The following CISTR variants were observed in gnomAD, a reference collection of about 807,000 sequenced individuals.
The protein encoded by CISTR is chondrogenesis-associated transcript, also known as chondrogenic regulator lncRNA.
chr12:53,754,676 A>T (rs183660743), intron 1 of CISTR, among the ~76,000 whole-genome samples: 2 of 152,278 alleles, frequency 1.3e-5, no homozygotes, highest in Non-Finnish European at 2.9e-5. Context: ...CTCCTCTTTG[A>T]TATCATCCCA....
At chr12:53,754,847 T>C (rs1937898529) in intron 1 of CISTR, among the ~76,000 whole-genome samples, 1 of 152,208 alleles carries the variant, frequency 6.6e-6, no homozygotes, top group Admixed American at 6.5e-5. Flanking sequence ...ACTAAAAGGA[T>C]CTGTTTACAC....
intron 1 of CISTR, among the ~76,000 whole-genome samples, chr12:53,754,839 T>C (rs1235442752): frequency 6.6e-6 from 1 of 152,326 alleles, no homozygotes; most frequent in East Asian, 1.9e-4. Flanking sequence ...GTTTCAGCAC[T>C]AAAAGGATCT....
chr12:53,751,290 G>C lies in CISTR; in HGVS notation n.415-325C>G, dbSNP rs552430871. Among the ~76,000 whole-genome samples, 3 of 152,246 alleles carry C rather than the reference G, an allele frequency of 2.0e-5. No homozygotes were observed. The highest frequency in any genetic ancestry group is 6.5e-5 in the Admixed American group (1 of 15,298). On this transcript the variant is annotated intron_variant and non_coding_transcript_variant, in intron 1 of 2. Coordinates refer to ENST00000669269, the Ensembl canonical transcript of CISTR. The surrounding 1 kb of genome is among the most constrained non-coding windows in gnomAD (Gnocchi z 4.6). Reference sequence around the variant, plus strand: ...GCAGGGGTTGGGGGCGCTGGGGCTCGGGGCGCTCACTCGGACCTCGGAGCC... The same window carrying C: ...GCAGGGGTTGGGGGCGCTGGGGCTCCGGGCGCTCACTCGGACCTCGGAGCC...
At chr12:53,746,860 T>C (rs1937787935) in intron 2 of CISTR, among the ~76,000 whole-genome samples, 1 of 152,190 alleles carries the variant, frequency 6.6e-6, no homozygotes, top group Non-Finnish European at 1.5e-5. Flanking sequence ...TGGTGGAAAT[T>C]GCGTATATTA....
In CISTR at chr12:53,756,817, G is replaced by A. The variant is rs1184508899; in HGVS notation, n.411C>T. 2.6e-5 allele frequency: 4 copies of A among 152,230 alleles called. No homozygotes were observed. Among genetic ancestry groups the A allele is most frequent in the African/African-American group, 9.7e-5 (4 of 41,104 alleles). The allele number at this position is 152,230 out of a possible 1,614,324, so 9.4% of individuals were successfully genotyped here. A position where few individuals can be genotyped will look rare whatever the true frequency, so the allele number is the denominator to read the frequency against. On this transcript the variant is annotated non_coding_transcript_exon_variant, in exon 1 of 3. Transcript: ENST00000669269. This position sits in a 1 kb window ranked among gnomAD's most constrained non-coding sequence, Gnocchi z 4.0. The stretch of plus-strand genomic sequence containing the variant: ...AGCAGGGGATCTGGGGAGGTACCTG[G>A]ATAGCAGGGGACTCCGGGTCCTGAA...
intron 2 of CISTR, among the ~76,000 whole-genome samples, chr12:53,749,818 A>C (rs1479339259): frequency 6.6e-6 from 1 of 152,212 alleles, no homozygotes; most frequent in Non-Finnish European, 1.5e-5. Context: ...GTGAGGACCC[A>C]GCTGGGGAGC....
intron 2 of CISTR, among the ~76,000 whole-genome samples, chr12:53,748,298 C>T (rs1303364242): frequency 6.6e-6 from 1 of 152,200 alleles, no homozygotes; most frequent in Non-Finnish European, 1.5e-5. Context: ...TCCGCGCCAG[C>T]GCCCCCCCAA....
exon 3 of CISTR, among the ~76,000 whole-genome samples, chr12:53,746,694 C>T (rs1937784940): frequency 1.3e-5 from 2 of 152,160 alleles, no homozygotes; most frequent in Admixed American, 6.5e-5. Flanking sequence ...TAGGGCAGCC[C>T]AGCCTGGCCT....
At chr12:53,754,163 C>T (rs1262132008) in intron 1 of CISTR, among the ~76,000 whole-genome samples, 1 of 152,122 alleles carries the variant, frequency 6.6e-6, no homozygotes, top group Non-Finnish European at 1.5e-5. Context: ...TCCTGGCTAT[C>T]TCCTTTACTC....
At chr12:53,754,273 C>G (rs959360613) in intron 1 of CISTR, 2 of 152,184 alleles carry the variant, frequency 1.3e-5, no homozygotes, top group African/African-American at 4.8e-5. Flanking sequence ...TATTACTTCC[C>G]CATTTCACAG....
At chr12:53,747,908 C>G (rs1050376207) in intron 2 of CISTR, among the ~76,000 whole-genome samples, 2 of 152,122 alleles carry the variant, frequency 1.3e-5, no homozygotes, top group African/African-American at 4.8e-5. Context: ...CTCTCCCAAG[C>G]AGTTTGTGAC....
chr12:53,755,006 C>T (rs1937900030), intron 1 of CISTR, among the ~76,000 whole-genome samples: 2 of 152,112 alleles, frequency 1.3e-5, no homozygotes, highest in Admixed American at 1.3e-4. Flanking sequence ...AGGGTGCGTC[C>T]AAATAATGGA....
At position 53,753,089 on chromosome 12, in the gene CISTR, C is replaced by G. The variant is rs973426757; in HGVS notation, n.415-2124G>C. On this transcript the variant is annotated intron_variant and non_coding_transcript_variant, in intron 1 of 2. Transcript: ENST00000669269. ...ACACACACACACACACACACACACA[C>G]AGAGAGAGACACACGTGTCCTTTGA... is the stretch of plus-strand genomic sequence containing the variant. 9.4e-4 allele frequency among the ~76,000 whole-genome samples: 76 copies of G among 80,506 alleles called. 1 individual carries two copies. Among genetic ancestry groups the G allele is most frequent in the Admixed American group, 3.2e-3 (25 of 7,834 alleles). 52.8% of individuals were successfully genotyped at this position (80,506 alleles called of 152,430 possible). A position where few individuals can be genotyped will look rare whatever the true frequency, so the allele number is the denominator to read the frequency against.
chr12:53,747,303 G>T (rs1204699978), intron 2 of CISTR, among the ~76,000 whole-genome samples: 1 of 152,162 alleles, frequency 6.6e-6, no homozygotes, highest in East Asian at 1.9e-4. Context: ...TGGCATATTT[G>T]ACAGATGCTG....
In CISTR at chr12:53,751,220, C is replaced by T. The variant is rs1937846445; in HGVS notation, n.415-255G>A. ...TCTCCTGGCCTCCCTCCCGCCGCCCCTCCTCTGAGCCCTGCGGCCCGGCCT... is the reference window on the plus strand; with the variant it reads ...TCTCCTGGCCTCCCTCCCGCCGCCCTTCCTCTGAGCCCTGCGGCCCGGCCT... On this transcript the variant is annotated intron_variant and non_coding_transcript_variant, in intron 1 of 2. Coordinates refer to ENST00000669269, the Ensembl canonical transcript of CISTR. This position sits in a 1 kb window ranked among gnomAD's most constrained non-coding sequence, Gnocchi z 4.6. Among the ~76,000 whole-genome samples, 1 of 152,208 alleles carries T rather than the reference C, an allele frequency of 6.6e-6. No individual in the cohort carries two copies.
In CISTR at chr12:53,751,413, C is replaced by T. The variant is rs568427932; in HGVS notation, n.415-448G>A. ...CCCCAGCCCTGTCGCCTCCCACCCCCCTTCCGGCCGCGGCAGTTTCCGAAA... is the reference window on the plus strand; with the variant it reads ...CCCCAGCCCTGTCGCCTCCCACCCCTCTTCCGGCCGCGGCAGTTTCCGAAA... On this transcript the variant is annotated intron_variant and non_coding_transcript_variant, in intron 1 of 2. Transcript: ENST00000669269. This position sits in a 1 kb window ranked among gnomAD's most constrained non-coding sequence, Gnocchi z 4.6. 3.3e-5 allele frequency among the ~76,000 whole-genome samples: 5 copies of T among 152,220 alleles called. No homozygotes were observed. The highest frequency in any genetic ancestry group is 5.9e-5 in the Non-Finnish European group (4 of 68,030).
chr12:53,747,622 G>A (rs1937797777), intron 2 of CISTR, among the ~76,000 whole-genome samples: 1 of 152,156 alleles, frequency 6.6e-6, no homozygotes, highest in African/African-American at 2.4e-5. Context: ...CTGAGTTACT[G>A]GGGGTGGTGG....
exon 3 of CISTR, among the ~76,000 whole-genome samples, chr12:53,746,438 G>A (rs1937780966): frequency 6.6e-6 from 1 of 152,164 alleles, no homozygotes; most frequent in African/African-American, 2.4e-5. Flanking sequence ...TCTAGTTCTA[G>A]CTCCAGTTAT....
exon 2 of CISTR, chr12:53,750,719 T>C (rs1937839384): frequency 6.5e-6 from 1 of 153,256 alleles, no homozygotes; most frequent in Non-Finnish European, 1.5e-5. Flanking sequence ...CATTTGTGTG[T>C]TTCCATGTGG....
Sources: allele counts gnomAD v4.1 joint callset (sites outside exome capture counted in the v4.1 genomes callset), GRCh38; gene constraint gnomAD v4.1.1; non-coding constraint Gnocchi (gnomAD v3.1); transcripts MANE v1.5; gene names NCBI Gene and HGNC (gene_info 2026-07-23, HGNC 2026-07-21).